The following SPRY3 variants were observed in gnomAD, a reference collection of about 807,000 sequenced individuals.
SPRY3 encodes the protein sprouty RTK signaling antagonist 3.
In SPRY3, 15 loss-of-function variants were observed where a neutral mutation model predicts 20.2. That is an observed-to-expected ratio of 0.74 (90% CI 0.50 to 1.14). SPRY3 has a LOEUF of 1.14. Among genes scored for constraint, SPRY3 ranks in the 50% most tolerant of loss-of-function variants. The pLI is 0.00. For synonymous variants in SPRY3, 143 were observed against 136.5 expected, an observed-to-expected ratio of 1.05 and a Z score of -0.33; for missense variants, 364 against 363.9, an observed-to-expected ratio of 1.00 and a Z score of 0.00.
At chrX:155,751,398 A>G (rs1454878878) in intron 2 of SPRY3, among the ~76,000 whole-genome samples, 4 of 151,830 alleles carry the variant, frequency 2.6e-5, no homozygotes, top group Admixed American at 6.6e-5. Flanking sequence ...TGACCCTGCA[A>G]TCTCTGCCAT....
intron 2 of SPRY3, among the ~76,000 whole-genome samples, chrX:155,755,752 G>T (rs2091281373): frequency 6.6e-6 from 1 of 152,094 alleles, no homozygotes; most frequent in South Asian, 2.1e-4. Context: ...TTGGGCATCT[G>T]CTTTTCCTTG....
At chrX:155,658,180 T>C (rs886274962) in intron 2 of SPRY3, among the ~76,000 whole-genome samples, 55 of 112,028 alleles carry the variant, frequency 4.9e-4, no homozygotes, top group African/African-American at 1.8e-3. Context: ...TTTGGGCTCT[T>C]TTTTGGTTCC....
Position 155,691,424 on chromosome X carries a change from G to A in SPRY3, c.-282+34399G>A, listed in dbSNP as rs1569562632. On this transcript the variant is annotated intron_variant, in intron 2 of 3. Transcript: ENST00000675360. The stretch of plus-strand genomic sequence containing the variant: ...TTAACATTATTTTCAAACAATTGTT[G>A]GCCAAAGATTCATTTGATGAATTCG... Among the ~76,000 whole-genome samples the A allele has an allele frequency of 2.3e-5, 2 of 87,742 alleles. 1 individual carries two copies. The highest frequency in any genetic ancestry group is 1.1e-4 in the African/African-American group (2 of 18,334). 76.2% of individuals were successfully genotyped at this position (87,742 alleles called of 115,157 possible).
chrX:155,685,976 A>G (rs1041224102), intron 2 of SPRY3, among the ~76,000 whole-genome samples: 1 of 110,831 alleles, frequency 9.0e-6, no homozygotes, highest in African/African-American at 3.3e-5. Context: ...GGTAGAAACC[A>G]TGTTGGCCAG....
chrX:155,745,361 C>T (rs2091220856), intron 2 of SPRY3, among the ~76,000 whole-genome samples: 1 of 152,038 alleles, frequency 6.6e-6, no homozygotes, highest in South Asian at 2.1e-4. Context: ...GCCCATAAGG[C>T]TGGGGCCGGT....
At chrX:155,770,003 A>C (rs1347948851) in intron 3 of SPRY3, among the ~76,000 whole-genome samples, 1 of 152,198 alleles carries the variant, frequency 6.6e-6, no homozygotes, top group Non-Finnish European at 1.5e-5. Flanking sequence ...ATAAAGCCAA[A>C]GCAGAAATTC....
downstream of SPRY3, chrX:155,780,538 A>G (rs754757046): frequency 1.2e-5 from 2 of 167,120 alleles, no homozygotes; most frequent in South Asian, 2.1e-4. Flanking sequence ...AGTTATTCAT[A>G]TATGCATTTC....
At chrX:155,751,924 GAAATAAAATAAAATAAAATAAAATA>G (rs530878002) in intron 2 of SPRY3, among the ~76,000 whole-genome samples, 6,545 of 121,674 alleles carry the variant, frequency 0.054, 169 homozygotes, top group African/African-American at 0.075. Flanking sequence ...CAAGGGAAGG[GAAATAAAATAAAATAAAATAAAATA>G]AAATAAAATA....
At chrX:155,774,912 C>G (rs2091414163) in exon 4 of SPRY3, 1 of 709,422 alleles carries the variant, frequency 1.4e-6, no homozygotes, top group Non-Finnish European at 2.4e-6. Flanking sequence ...ATGCCTTGTT[C>G]TTTCTCACAG....
intron 2 of SPRY3, among the ~76,000 whole-genome samples, chrX:155,677,425 T>C (rs779665239): frequency 8.9e-6 from 1 of 111,840 alleles, no homozygotes; most frequent in East Asian, 2.8e-4. Flanking sequence ...TTTAGGAGCA[T>C]GAAATGAGCA....
At chrX:155,662,218 C>G (rs1258826679) in intron 2 of SPRY3, among the ~76,000 whole-genome samples, 1 of 110,494 alleles carries the variant, frequency 9.1e-6, no homozygotes, top group Non-Finnish European at 1.9e-5. Context: ...TTTGTTTCCC[C>G]CCACCCCCTT....
chrX:155,677,683 T>C (rs1485376550), intron 2 of SPRY3, among the ~76,000 whole-genome samples: 3 of 111,377 alleles, frequency 2.7e-5, no homozygotes, highest in African/African-American at 6.5e-5. Context: ...TTTCAATTGG[T>C]CCCAAACTCA....
At chrX:155,616,150 T>TCTCC (rs55763745) in intron 1 of SPRY3, among the ~76,000 whole-genome samples, 4 of 40,001 alleles carry the variant, frequency 1.0e-4, no homozygotes, top group Non-Finnish European at 2.6e-4. Flanking sequence ...TCTCTCTCTC[T>TCTCC]TCTCTCTCTC....
intron 1 of SPRY3, among the ~76,000 whole-genome samples, chrX:155,616,286 A>G (rs1338070070): frequency 9.1e-6 from 1 of 109,898 alleles, no homozygotes; most frequent in Non-Finnish European, 1.9e-5. Context: ...TTTTCATATT[A>G]CAGATTCAAC....
chrX:155,772,432 C>T (rs943988441), intron 3 of SPRY3, among the ~76,000 whole-genome samples: 1 of 152,148 alleles, frequency 6.6e-6, no homozygotes, highest in African/African-American at 2.4e-5. Flanking sequence ...ATTTCTATTA[C>T]TCATTCAAGC....
At position 155,706,270 on chromosome X, in the gene SPRY3, T is replaced by A. The variant is rs1338387682; in HGVS notation, c.-282+49245T>A. On this transcript the variant is annotated intron_variant, in intron 2 of 3. Transcript: ENST00000675360. ...AACATCCATCTAAGTCACCCAATGA[T>A]CAGAGAAGAAATATGAAAGGGAATT... Among the ~76,000 whole-genome samples the A allele has an allele frequency of 2.0e-5, 3 of 151,182 alleles. No homozygotes were observed. The Admixed American group carries it at 2.0e-4, about 10-fold the overall frequency.
intron 3 of SPRY3, among the ~76,000 whole-genome samples, chrX:155,770,358 G>A (rs958568008): frequency 6.6e-6 from 1 of 152,154 alleles, no homozygotes; most frequent in Non-Finnish European, 1.5e-5. Flanking sequence ...ACAAACATTA[G>A]CATTTCTTGA....
chrX:155,736,168 A>G (rs1476080967), intron 2 of SPRY3, among the ~76,000 whole-genome samples: 1 of 151,988 alleles, frequency 6.6e-6, no homozygotes, highest in African/African-American at 2.4e-5. Flanking sequence ...GCGATATCCA[A>G]CATATCATTG....
At chrX:155,717,874 A>C (rs2091033291) in intron 2 of SPRY3, among the ~76,000 whole-genome samples, 1 of 152,194 alleles carries the variant, frequency 6.6e-6, no homozygotes, top group South Asian at 2.1e-4. Flanking sequence ...ATATGTGTGC[A>C]TGTGTCTTTA....
Sources: allele counts gnomAD v4.1 joint callset (sites outside exome capture counted in the v4.1 genomes callset), GRCh38; gene constraint gnomAD v4.1.1; transcripts MANE v1.5; gene names NCBI Gene and HGNC (gene_info 2026-07-23, HGNC 2026-07-21).